Variants in TLL1 observed in about 807,000 individuals in gnomAD.
The protein encoded by TLL1 is tolloid like 1.
In TLL1, 49 loss-of-function variants were observed where a neutral mutation model predicts 128.2. The observed-to-expected ratio is 0.38, with a 90% CI of 0.30 to 0.48. The LOEUF (loss-of-function observed/expected upper bound fraction) is 0.48, where lower values mean the gene tolerates loss of function less well. Among genes scored for constraint, TLL1 ranks in the 20% least tolerant of loss-of-function variants. The pLI is 0.96. For missense variants in TLL1, 1,123 were observed against 1,242.0 expected (o/e 0.90, Z 1.44); for synonymous variants, 454 against 418.8 (o/e 1.08, Z -1.03).
chr4:165,918,789 C>G (rs1732899942), intron 1 of TLL1, among the ~76,000 whole-genome samples: 1 of 152,050 alleles, frequency 6.6e-6, no homozygotes, highest in African/African-American at 2.4e-5. Flanking sequence ...GGAGCTACAC[C>G]TGTAGCTAGG....
At chr4:166,075,121 A>C (rs1421129147) in intron 17 of TLL1, 118 bp downstream of exon 17, 94 of 1,443,182 alleles carry the variant, frequency 6.5e-5, no homozygotes, top group Non-Finnish European at 9.0e-5. Flanking sequence ...GGGCTATCCA[A>C]ATGTCAAAAA....
intron 17 of TLL1, among the ~76,000 whole-genome samples, chr4:166,075,853 G>T (rs973483983): frequency 1.4e-4 from 21 of 152,140 alleles, no homozygotes; most frequent in African/African-American, 5.1e-4. Flanking sequence ...ATCCTGAGTT[G>T]ACCCTTGTTC....
chr4:165,934,893 G>A (rs919994064), intron 1 of TLL1, among the ~76,000 whole-genome samples: 1 of 152,274 alleles, frequency 6.6e-6, no homozygotes, highest in African/African-American at 2.4e-5. Context: ...AAAATATTAA[G>A]ATTAATTAAC....
At chr4:166,003,896 A>AT (rs1395523529) in intron 6 of TLL1, among the ~76,000 whole-genome samples, 1 of 151,876 alleles carries the variant, frequency 6.6e-6, no homozygotes, top group African/African-American at 2.4e-5. Context: ...TTACTGAAGC[A>AT]TTTTTTGTAC....
At position 165,992,868 on chromosome 4, in the gene TLL1, A is replaced by G; in HGVS notation, c.345A>G (p.Ile115Met). The G allele has an allele frequency of 6.2e-7, 1 of 1,613,256 alleles. No homozygotes were observed. Among genetic ancestry groups the G allele is most frequent in the Non-Finnish European group, 8.5e-7 (1 of 1,179,352 alleles). The change falls in exon 3 of 21, where the codon ATA becomes ATG. Residue 115 changes from isoleucine to methionine, a missense_variant. Around this residue, in one of 3 missense-constraint regions of TLL1, gnomAD observed 480 missense variants for 542.4 expected, o/e 0.89. Transcript: ENST00000061240. ...CCCTCTACCAACTTATAGACAGGAT[A>G]AGAAGAATTGGCTTTGGTATATCAA... ...RGALYQLIDR[I>M]RRIGFGLEQN...
chr4:165,891,247 C>T (rs531639651), intron 1 of TLL1, among the ~76,000 whole-genome samples: 4 of 152,272 alleles, frequency 2.6e-5, no homozygotes, highest in African/African-American at 9.6e-5. Flanking sequence ...GCCCTGGAGA[C>T]ATTTTCCCCA....
Position 166,027,232 on chromosome 4 carries a change from C to T in TLL1, c.1158+1801C>T, listed in dbSNP as rs529639152. 1.1e-3 allele frequency among the ~76,000 whole-genome samples: 171 copies of T among 152,082 alleles called. 2 individuals are homozygous for T. The highest frequency in any genetic ancestry group is 4.0e-3 in the African/African-American group (167 of 41,486). On this transcript the variant is annotated intron_variant, in intron 9 of 20. Coordinates refer to ENST00000061240, the MANE Select transcript of TLL1 (RefSeq NM_012464.5). ...ACATGGGAGTAATAGACACTGAAGA[C>T]TACTAGATGGGGGAGCCTGAAAAGG...
chr4:165,980,577 G>A (rs922590192), intron 1 of TLL1, among the ~76,000 whole-genome samples: 2 of 152,104 alleles, frequency 1.3e-5, no homozygotes, highest in African/African-American at 4.8e-5. Flanking sequence ...CAAATGTACA[G>A]AACTGGTAAA....
At chr4:165,922,288 C>T (rs1310687491) in intron 1 of TLL1, among the ~76,000 whole-genome samples, 3 of 152,162 alleles carry the variant, frequency 2.0e-5, no homozygotes. Flanking sequence ...GCATCAAATA[C>T]TTGCTATGAT....
At chr4:165,890,463 A>T (rs565002075) in intron 1 of TLL1, among the ~76,000 whole-genome samples, 2 of 152,332 alleles carry the variant, frequency 1.3e-5, no homozygotes, top group Non-Finnish European at 2.9e-5. Context: ...GTTACTTCCT[A>T]AATATGGTGA....
At chr4:165,982,890 A>T (rs1736216009) in intron 1 of TLL1, among the ~76,000 whole-genome samples, 1 of 151,878 alleles carries the variant, frequency 6.6e-6, no homozygotes, top group African/African-American at 2.4e-5. Context: ...ACAAACGTAA[A>T]CAATTACAGG....
intron 1 of TLL1, among the ~76,000 whole-genome samples, chr4:165,955,908 G>A (rs982354547): frequency 6.6e-6 from 1 of 152,010 alleles, no homozygotes; most frequent in Non-Finnish European, 1.5e-5. Context: ...AAAGAGAAAG[G>A]GTACCAAGAG....
intron 9 of TLL1, chr4:166,030,845 TG>T: frequency 1.0e-6 from 1 of 999,632 alleles, no homozygotes; most frequent in Non-Finnish European, 1.2e-6. Flanking sequence ...TTAGCGTTTT[TG>T]TTTTTTTCTG....
chr4:165,924,785 A>G (rs956964829), intron 1 of TLL1, among the ~76,000 whole-genome samples: 2 of 152,178 alleles, frequency 1.3e-5, no homozygotes, highest in African/African-American at 2.4e-5. Flanking sequence ...CGAAGCTTCA[A>G]AGGACAGGCT....
intron 7 of TLL1, among the ~76,000 whole-genome samples, chr4:166,012,854 C>G (rs1015472335): frequency 2.0e-5 from 3 of 151,660 alleles, no homozygotes; most frequent in African/African-American, 7.3e-5. Flanking sequence ...GTTCCAGTCT[C>G]CCTATTTGAG....
chr4:165,973,258 G>A (rs1402563755), intron 1 of TLL1, among the ~76,000 whole-genome samples: 7 of 152,088 alleles, frequency 4.6e-5, no homozygotes, highest in Admixed American at 4.6e-4. Flanking sequence ...AGCTGATAGT[G>A]CAGCCTTTAC....
chr4:165,923,714 C>G (rs145426934), intron 1 of TLL1, among the ~76,000 whole-genome samples: 2,720 of 152,122 alleles, frequency 0.018, 83 homozygotes, highest in African/African-American at 0.062. Context: ...GGATTACAGG[C>G]GTGAGCCACT....
chr4:165,972,321 G>T (rs928625296), intron 1 of TLL1, among the ~76,000 whole-genome samples: 1 of 152,118 alleles, frequency 6.6e-6, no homozygotes, highest in Non-Finnish European at 1.5e-5. Flanking sequence ...CCTGTATATG[G>T]TTATCCAAAG....
At chr4:166,091,632 A>G (rs1228208997) in intron 19 of TLL1, among the ~76,000 whole-genome samples, 3 of 152,142 alleles carry the variant, frequency 2.0e-5, no homozygotes, top group Admixed American at 6.6e-5. Flanking sequence ...TATTTATACA[A>G]TGTATTTCAT....
Sources: allele counts gnomAD v4.1 joint callset (sites outside exome capture counted in the v4.1 genomes callset), GRCh38; gene constraint gnomAD v4.1.1; regional missense constraint gnomAD v4.1.1; transcripts MANE v1.5; gene names NCBI Gene and HGNC (gene_info 2026-07-23, HGNC 2026-07-21).